The following HIPK2 variants were observed in gnomAD, a reference collection of about 807,000 sequenced individuals.
The protein encoded by HIPK2 is homeodomain-interacting protein kinase 2.
HIPK2 carries 27 observed loss-of-function variants against 113.7 expected under a neutral mutation model. The observed-to-expected ratio is 0.24, with a 90% CI of 0.17 to 0.33. HIPK2 has a LOEUF of 0.33. Ranked by LOEUF, HIPK2 falls within the 10% of genes least tolerant of loss-of-function variation. The pLI is 1.00. For missense variants in HIPK2, 1,257 were observed against 1,588.0 expected (o/e 0.79, Z 3.54); for synonymous variants, 631 against 642.2 (o/e 0.98, Z 0.26).
In HIPK2 at chr7:139,715,978, C is replaced by A. The variant is rs764180061; in HGVS notation, c.1057G>T (p.Val353Phe). Residue 353 changes from valine (V) to phenylalanine (F), a missense_variant, in exon 2 of 15, where the codon GTC becomes TTC. Transcript: ENST00000406875. ...TAGGTGGAGCACACAGCCTTGGAGA[C>A]GTGGCTGGCTGAACCAAAGTCGATG... ...KVIDFGSASH[V>F]SKAVCSTYLQ... 1 of 1,614,102 alleles carries A rather than the reference C, an allele frequency of 6.2e-7. No homozygotes were observed. Among genetic ancestry groups the A allele is most frequent in the Non-Finnish European group, 8.5e-7 (1 of 1,180,018 alleles).
intron 2 of HIPK2, among the ~76,000 whole-genome samples, chr7:139,681,507 G>T (rs1802698391): frequency 6.6e-6 from 1 of 152,148 alleles, no homozygotes; most frequent in Admixed American, 6.5e-5. Context: ...TCTATAATCA[G>T]CGCCAGTGCT....
At chr7:139,755,402 A>G (rs1361794907) in intron 1 of HIPK2, among the ~76,000 whole-genome samples, 1 of 152,182 alleles carries the variant, frequency 6.6e-6, no homozygotes, top group Middle Eastern at 3.2e-3. Context: ...TTGTTTATAC[A>G]CTTTGTGTTG....
At chr7:139,635,246 C>T (rs562163839) in intron 2 of HIPK2, among the ~76,000 whole-genome samples, 27 of 152,312 alleles carry the variant, frequency 1.8e-4, no homozygotes, top group Admixed American at 3.9e-4. Flanking sequence ...GGAAGTCTGA[C>T]GCTCCAGTCT....
rs565649250 is a variant in HIPK2 at position 139,758,945 on chromosome 7, TA to T, written c.19+18659del. On this transcript the variant is annotated intron_variant, in intron 1 of 14. Coordinates refer to ENST00000406875, the MANE Select transcript of HIPK2 (RefSeq NM_022740.5). ...ACTTTGACTAAAAATACAGAAGCCATAAAAAAAATAAATTTGACTACATAAA... is the reference window on the plus strand; with the variant it reads ...ACTTTGACTAAAAATACAGAAGCCATAAAAAAATAAATTTGACTACATAAA... Among the ~76,000 whole-genome samples the T allele has an allele frequency of 8.6e-5, 13 of 151,456 alleles. No homozygotes were observed. The East Asian group carries it at 2.5e-3, about 29-fold the overall frequency.
intron 2 of HIPK2, among the ~76,000 whole-genome samples, chr7:139,700,349 A>G (rs886990957): frequency 4.6e-5 from 7 of 152,184 alleles, no homozygotes; most frequent in Non-Finnish European, 1.0e-4. Flanking sequence ...GAGGCCACGC[A>G]CTGACCACAC....
chr7:139,634,288 G>A (rs928312747), intron 2 of HIPK2, among the ~76,000 whole-genome samples: 4 of 151,924 alleles, frequency 2.6e-5, no homozygotes, highest in African/African-American at 9.7e-5. Flanking sequence ...TGTCCCCATC[G>A]CCTGCTGCTG....
rs1350102618 is a variant in HIPK2, at chr7:139,670,755, CTTTCTTTTT to C, written c.1104-39039_1104-39031del. 1.4e-3 allele frequency among the ~76,000 whole-genome samples: 50 copies of C among 37,010 alleles called. 1 individual carries two copies. The South Asian group carries it at 0.026, about 19-fold the overall frequency. 24.3% of individuals were successfully genotyped at this position (37,010 alleles called of 152,430 possible). A position where few individuals can be genotyped will look rare whatever the true frequency, so the allele number is the denominator to read the frequency against. On this transcript the variant is annotated intron_variant, in intron 2 of 14. Transcript: ENST00000406875. The stretch of plus-strand genomic sequence containing the variant: ...CTTTTCTTTCTTTCTTTCTTTCTTT[CTTTCTTTTT>C]TTTTTTTTTTTTTTTTTGAGGCAGA...
chr7:139,730,795 G>C (rs1795752873), intron 1 of HIPK2, among the ~76,000 whole-genome samples: 1 of 152,150 alleles, frequency 6.6e-6, no homozygotes, highest in Admixed American at 6.5e-5. Flanking sequence ...AGGTAATCAA[G>C]TTACAATAAA....
chr7:139,770,082 T>C (rs1585469492), intron 1 of HIPK2, among the ~76,000 whole-genome samples: 1 of 152,336 alleles, frequency 6.6e-6, no homozygotes, highest in East Asian at 1.9e-4. Context: ...CCGCTCAGAT[T>C]CTGGTGAGTA....
chr7:139,701,034 T>A (rs1585394433), intron 2 of HIPK2, among the ~76,000 whole-genome samples: 2 of 152,232 alleles, frequency 1.3e-5, no homozygotes, highest in Admixed American at 6.5e-5. Context: ...CTTCAATCTT[T>A]CTGTTTCTGT....
At chr7:139,629,122 A>C in intron 4 of HIPK2, 83 bp from the exon 5 acceptor site, 5 of 1,090,786 alleles carry the variant, frequency 4.6e-6, no homozygotes, top group Non-Finnish European at 6.8e-6. Context: ...CCTGTGTCTC[A>C]CAGAGGGTCT....
At chr7:139,761,689 C>T (rs1796466988) in intron 1 of HIPK2, among the ~76,000 whole-genome samples, 1 of 152,098 alleles carries the variant, frequency 6.6e-6, no homozygotes, top group South Asian at 2.1e-4. Flanking sequence ...AGACATAGGG[C>T]ACGATACTCG....
chr7:139,600,360 C>A, intron 11 of HIPK2, 57 bp downstream of exon 11: 1 of 1,569,392 alleles, frequency 6.4e-7, no homozygotes, highest in Non-Finnish European at 8.7e-7. Flanking sequence ...AACTACATTT[C>A]TTTAGCACTC....
intron 5 of HIPK2, among the ~76,000 whole-genome samples, chr7:139,627,555 G>A (rs1488925007): frequency 2.0e-5 from 3 of 152,166 alleles, no homozygotes; most frequent in Non-Finnish European, 2.9e-5. Context: ...TAAAAGGCTT[G>A]TTTTGTGGTG....
At chr7:139,607,208 A>AG (rs1340481503) in intron 9 of HIPK2, among the ~76,000 whole-genome samples, 1 of 152,228 alleles carries the variant, frequency 6.6e-6, no homozygotes, top group East Asian at 1.9e-4. Context: ...TAGGAAATAG[A>AG]GGGGAAAAAA....
chr7:139,628,846 A>C, intron 5 of HIPK2, 107 bp downstream of exon 5: 1 of 897,948 alleles, frequency 1.1e-6, no homozygotes, highest in East Asian at 2.7e-5. Flanking sequence ...CAACCACTGC[A>C]GTTGAATAAT....
At chr7:139,691,653 C>G (rs912949675) in intron 2 of HIPK2, among the ~76,000 whole-genome samples, 1 of 152,216 alleles carries the variant, frequency 6.6e-6, no homozygotes, top group Non-Finnish European at 1.5e-5. Flanking sequence ...CCCACAGCAG[C>G]AAAACCAGCT....
chr7:139,571,666 G>GAAAAAA lies in HIPK2; in HGVS notation c.*1255_*1260dup, dbSNP rs570586794. 1 of 147,146 alleles carries GAAAAAA rather than the reference G, an allele frequency of 6.8e-6. No individual in the cohort carries two copies. Among genetic ancestry groups the GAAAAAA allele is most frequent in the Non-Finnish European group, 1.5e-5 (1 of 66,420 alleles). 9.1% of individuals were successfully genotyped at this position (147,146 alleles called of 1,614,324 possible). A position where few individuals can be genotyped will look rare whatever the true frequency, so the allele number is the denominator to read the frequency against. ...AACATTTTAAAAAGAAAAAGAAAAAGAAAAAAAAAAGGCCAGCGTAAACTG... is the reference window on the plus strand; with the variant it reads ...AACATTTTAAAAAGAAAAAGAAAAAGAAAAAAAAAAAAAAAAGGCCAGCGTAAACTG... On this transcript the variant is annotated 3_prime_UTR_variant, in exon 15 of 15. Transcript: ENST00000406875.
intron 2 of HIPK2, among the ~76,000 whole-genome samples, chr7:139,712,647 C>A (rs953714515): frequency 6.6e-5 from 10 of 152,224 alleles, no homozygotes; most frequent in African/African-American, 2.4e-4. Context: ...CATCTGAAAG[C>A]GTCTTCTTTC....
Sources: allele counts gnomAD v4.1 joint callset (sites outside exome capture counted in the v4.1 genomes callset), GRCh38; gene constraint gnomAD v4.1.1; transcripts MANE v1.5; gene names NCBI Gene and HGNC (gene_info 2026-07-23, HGNC 2026-07-21).